C1orf146: variants seen among roughly 807,000 people sequenced by gnomAD.
C1orf146 encodes the protein chromosome 1 open reading frame 146.
A neutral mutation model predicts 23.0 loss-of-function variants in C1orf146; 22 were observed. That is an observed-to-expected ratio of 0.96 (90% CI 0.68 to 1.36). The LOEUF (loss-of-function observed/expected upper bound fraction) is 1.36. C1orf146 is among the 40% of genes most tolerant of loss of function. C1orf146 has a pLI of 0.00. For missense variants in C1orf146, 199 were observed against 206.8 expected, an observed-to-expected ratio of 0.96 and a Z score of 0.23; for synonymous variants, 59 against 65.3, an observed-to-expected ratio of 0.90 and a Z score of 0.47.
intron 2 of C1orf146, among the ~76,000 whole-genome samples, chr1:92,239,303 T>C (rs1294707958): frequency 6.6e-6 from 1 of 152,220 alleles, no homozygotes; most frequent in African/African-American, 2.4e-5. Context: ...CTGATTATTT[T>C]TTATTATATG....
At position 92,222,113 on chromosome 1, in the gene C1orf146, C is replaced by T. The variant is rs77071744; in HGVS notation, c.-40+4065C>T. 0.012 allele frequency among the ~76,000 whole-genome samples: 1,830 copies of T among 152,164 alleles called. 186 individuals carry two copies. The East Asian group carries it at 0.25, about 21-fold the overall frequency. ...AAAATCAGCCAGGCGTGGTGGCGCA[C>T]ACCTGTGGTCCCAGCTACTTGGGAG... On this transcript the variant is annotated intron_variant, in intron 1 of 5. Coordinates refer to ENST00000370375, the MANE Select transcript of C1orf146 (RefSeq NM_001012425.2).
chr1:92,239,977 G>A (rs747199941), intron 2 of C1orf146, among the ~76,000 whole-genome samples: 1 of 152,098 alleles, frequency 6.6e-6, no homozygotes, highest in Non-Finnish European at 1.5e-5. Context: ...GAACTAAATT[G>A]TCTCCTGTAC....
chr1:92,236,313 A>G (rs1374979661), intron 2 of C1orf146, among the ~76,000 whole-genome samples: 1 of 151,884 alleles, frequency 6.6e-6, no homozygotes, highest in Non-Finnish European at 1.5e-5. Flanking sequence ...GCTGGTGACA[A>G]AATCTCTCAG....
At chr1:92,240,030 T>G (rs1202370991) in intron 2 of C1orf146, among the ~76,000 whole-genome samples, 1 of 152,200 alleles carries the variant, frequency 6.6e-6, no homozygotes, top group Non-Finnish European at 1.5e-5. Flanking sequence ...CTCAGATCAT[T>G]TTCTTTGTTC....
intron 1 of C1orf146, among the ~76,000 whole-genome samples, chr1:92,230,243 C>G (rs144249302): frequency 6.6e-6 from 1 of 151,318 alleles, no homozygotes; most frequent in Non-Finnish European, 1.5e-5. Flanking sequence ...GTGGGAGGGT[C>G]GCTTGAAGCC....
intron 2 of C1orf146, among the ~76,000 whole-genome samples, chr1:92,240,207 A>G (rs1017180162): frequency 8.5e-5 from 13 of 152,200 alleles, no homozygotes; most frequent in Non-Finnish European, 1.8e-4. Context: ...ATTTTCGTCA[A>G]AAGATCTGTT....
chr1:92,229,313 C>G, intron 1 of C1orf146: 1 of 550,678 alleles, frequency 1.8e-6, no homozygotes, highest in Non-Finnish European at 3.7e-6. Flanking sequence ...TGAAGGTGGT[C>G]TTGTGGGTGC....
At chr1:92,244,602 C>A (rs557647729) in intron 4 of C1orf146, among the ~76,000 whole-genome samples, 177 bp from the exon 5 acceptor site, 1 of 152,272 alleles carries the variant, frequency 6.6e-6, no homozygotes, top group Admixed American at 6.5e-5. Flanking sequence ...AAAGTGAACA[C>A]TTTTTTAGTC....
intron 1 of C1orf146, among the ~76,000 whole-genome samples, chr1:92,224,697 C>A (rs1330740450): frequency 6.6e-6 from 1 of 152,052 alleles, no homozygotes; most frequent in African/African-American, 2.4e-5. Context: ...ATTTTTATTC[C>A]ATTGATTTCT....
chr1:92,238,117 C>T (rs902750322), intron 2 of C1orf146, among the ~76,000 whole-genome samples: 11 of 151,940 alleles, frequency 7.2e-5, no homozygotes, highest in African/African-American at 2.2e-4. Flanking sequence ...TTAGTAGAGA[C>T]GGGGTTTCAC....
intron 1 of C1orf146, among the ~76,000 whole-genome samples, chr1:92,223,575 C>T (rs945986741): frequency 6.6e-6 from 1 of 151,988 alleles, no homozygotes; most frequent in African/African-American, 2.4e-5. Context: ...CTCTGTTGCC[C>T]AGGCTGGAGT....
chr1:92,242,005 A>G (rs564980811), intron 2 of C1orf146, among the ~76,000 whole-genome samples: 9 of 152,320 alleles, frequency 5.9e-5, no homozygotes, highest in African/African-American at 2.2e-4. Context: ...ACTCACTCCC[A>G]AACTTGAAAT....
intron 1 of C1orf146, among the ~76,000 whole-genome samples, chr1:92,219,781 A>C (rs1651776352): frequency 6.6e-6 from 1 of 151,994 alleles, no homozygotes; most frequent in African/African-American, 2.4e-5. Context: ...CAGTCTCCCG[A>C]GTAGCTTGAA....
intron 1 of C1orf146, among the ~76,000 whole-genome samples, chr1:92,231,164 G>T (rs1043364067): frequency 1.3e-5 from 2 of 152,186 alleles, no homozygotes; most frequent in Non-Finnish European, 2.9e-5. Context: ...TTTGAAGTTA[G>T]TGTGCTGAAA....
chr1:92,232,215 C>T (rs1040236926), intron 2 of C1orf146, among the ~76,000 whole-genome samples: 1 of 151,770 alleles, frequency 6.6e-6, no homozygotes, highest in Non-Finnish European at 1.5e-5. Context: ...CCCACTAACT[C>T]GTCATCTAGC....
chr1:92,222,419 A>T (rs535738636), intron 1 of C1orf146, among the ~76,000 whole-genome samples: 12 of 152,058 alleles, frequency 7.9e-5, no homozygotes, highest in Non-Finnish European at 1.5e-4. Context: ...TGATGTTTTG[A>T]CACATTTATA....
intron 1 of C1orf146, among the ~76,000 whole-genome samples, chr1:92,230,062 G>A (rs1276895223): frequency 1.7e-5 from 2 of 114,606 alleles, no homozygotes; most frequent in Non-Finnish European, 3.7e-5. Flanking sequence ...ACTGTATGGT[G>A]CATTGTTGTT....
intron 1 of C1orf146, among the ~76,000 whole-genome samples, chr1:92,222,342 GTA>G (rs1461312056): frequency 6.6e-6 from 1 of 151,882 alleles, no homozygotes; most frequent in Non-Finnish European, 1.5e-5. Context: ...ACATGCATGT[GTA>G]TATATAATGT....
intron 1 of C1orf146, among the ~76,000 whole-genome samples, chr1:92,219,780 G>A (rs987146954): frequency 2.6e-5 from 4 of 151,958 alleles, no homozygotes; most frequent in African/African-American, 4.8e-5. Context: ...TCAGTCTCCC[G>A]AGTAGCTTGA....
Sources: gnomAD v4.1 joint callset for allele counts (sites outside exome capture counted in the v4.1 genomes callset) on GRCh38, gnomAD v4.1.1 for gene constraint, MANE v1.5 for transcripts, NCBI Gene and HGNC (gene_info 2026-07-23, HGNC 2026-07-21) for gene names.